FGGY: variants seen among roughly 807,000 people sequenced by gnomAD.
FGGY encodes the protein FGGY carbohydrate kinase domain-containing protein.
Under a neutral mutation model 71.3 loss-of-function variants are expected in FGGY, and 72 were observed. That is an observed-to-expected ratio of 1.01 (90% CI 0.84 to 1.23). The LOEUF is 1.23. Ranked by LOEUF, FGGY falls within the 50% of genes most tolerant of loss-of-function variation. FGGY has a pLI of 0.00. For synonymous variants in FGGY, 251 were observed against 250.3 expected, an observed-to-expected ratio of 1.00 and a Z score of -0.02; for missense variants, 668 against 682.3, an observed-to-expected ratio of 0.98 and a Z score of 0.23.
At chr1:59,321,098 G>A (rs1022978099) in intron 1 of FGGY, among the ~76,000 whole-genome samples, 2 of 152,198 alleles carry the variant, frequency 1.3e-5, no homozygotes, top group African/African-American at 4.8e-5. Context: ...GAGGTACTTA[G>A]TAGGTAATTG....
chr1:59,634,869 A>C (rs2096941695), intron 10 of FGGY, among the ~76,000 whole-genome samples: 1 of 152,188 alleles, frequency 6.6e-6, no homozygotes, highest in Non-Finnish European at 1.5e-5. Flanking sequence ...GGGTTTGCCT[A>C]CCTGATCATC....
chr1:59,426,537 G>A (rs2066398147), intron 5 of FGGY, among the ~76,000 whole-genome samples: 1 of 152,208 alleles, frequency 6.6e-6, no homozygotes, highest in South Asian at 2.1e-4. Flanking sequence ...TTCAAAAAGT[G>A]ATAGTGTATT....
chr1:59,386,243 C>T (rs749230399), intron 5 of FGGY, among the ~76,000 whole-genome samples: 34 of 152,100 alleles, frequency 2.2e-4, no homozygotes, highest in South Asian at 4.1e-4. Flanking sequence ...CACGCCTTCT[C>T]AGGCTCTTCT....
intron 14 of FGGY, among the ~76,000 whole-genome samples, chr1:59,684,652 G>T (rs1455589425): frequency 6.6e-6 from 1 of 152,180 alleles, no homozygotes; most frequent in African/African-American, 2.4e-5. Flanking sequence ...GTGGGGTGAG[G>T]AGTAGAAAGA....
chr1:59,644,584 T>A (rs2153903620), intron 11 of FGGY, among the ~76,000 whole-genome samples: 1 of 152,198 alleles, frequency 6.6e-6, no homozygotes, highest in East Asian at 1.9e-4. Context: ...TAAGCGCTGA[T>A]GATTTTAGGT....
chr1:59,708,693 A>T lies in FGGY; in HGVS notation c.1512+34560A>T, dbSNP rs147634129. Among the ~76,000 whole-genome samples, 1,074 of 152,340 alleles carry T rather than the reference A, an allele frequency of 7.1e-3. 14 individuals are homozygous for T. Among genetic ancestry groups the T allele is most frequent in the African/African-American group, 0.024 (1,011 of 41,572 alleles). On this transcript the variant is annotated intron_variant, in intron 14 of 15. Transcript: ENST00000303721. ...GTAATTCACGTTCTCAAAGCCATGGAATCAGAAAGGGAGAGAGTTGGGACC... is the reference window on the plus strand; with the variant it reads ...GTAATTCACGTTCTCAAAGCCATGGTATCAGAAAGGGAGAGAGTTGGGACC...
At chr1:59,367,258 A>T (rs972729996) in intron 4 of FGGY, among the ~76,000 whole-genome samples, 2 of 152,194 alleles carry the variant, frequency 1.3e-5, no homozygotes, top group Non-Finnish European at 2.9e-5. Context: ...ATTCATTCTG[A>T]GAAGTTTCTG....
chr1:59,603,154 ACCTTT>A (rs2096593823), intron 8 of FGGY, among the ~76,000 whole-genome samples: 1 of 152,136 alleles, frequency 6.6e-6, no homozygotes, highest in East Asian at 1.9e-4. Flanking sequence ...TATTGCCAAT[ACCTTT>A]TAAGTGTAAG....
chr1:59,538,512 A>C (rs1238404410), intron 7 of FGGY, among the ~76,000 whole-genome samples: 2 of 149,740 alleles, frequency 1.3e-5, no homozygotes, highest in Non-Finnish European at 2.9e-5. Flanking sequence ...CCAAAGGACT[A>C]TAAATCATGC....
intron 5 of FGGY, among the ~76,000 whole-genome samples, chr1:59,424,964 A>G (rs1235058756): frequency 1.3e-5 from 2 of 152,128 alleles, no homozygotes; most frequent in Non-Finnish European, 2.9e-5. Flanking sequence ...TATTGGAAAG[A>G]ATATGGGTTT....
At chr1:59,718,142 G>C (rs1449837590) in intron 14 of FGGY, among the ~76,000 whole-genome samples, 1 of 152,184 alleles carries the variant, frequency 6.6e-6, no homozygotes, top group African/African-American at 2.4e-5. Flanking sequence ...GTGGGTCCAA[G>C]ACCATAAGGG....
At chr1:59,538,235 A>G (rs1463050921) in intron 7 of FGGY, among the ~76,000 whole-genome samples, 2 of 152,208 alleles carry the variant, frequency 1.3e-5, no homozygotes, top group African/African-American at 2.4e-5. Context: ...CAAAACACAC[A>G]TGAAAAAATG....
At chr1:59,484,479 G>T (rs529138268) in intron 6 of FGGY, among the ~76,000 whole-genome samples, 1 of 152,228 alleles carries the variant, frequency 6.6e-6, no homozygotes, top group South Asian at 2.1e-4. Flanking sequence ...GCTTGCCAGG[G>T]TGTAAAAAGT....
chr1:59,732,211 A>G (rs1251705767), intron 14 of FGGY, among the ~76,000 whole-genome samples: 1 of 152,082 alleles, frequency 6.6e-6, no homozygotes, highest in Admixed American at 6.6e-5. Flanking sequence ...TTGACCAGAG[A>G]ATTTTACTTC....
chr1:59,345,988 A>T (rs11207438), intron 3 of FGGY, among the ~76,000 whole-genome samples: 29,043 of 152,146 alleles, frequency 0.19, 3,358 homozygotes, highest in East Asian at 0.35. Flanking sequence ...TAATATAATT[A>T]ATTGGTAGAT....
At chr1:59,344,052 G>T (rs144107165) in intron 3 of FGGY, among the ~76,000 whole-genome samples, 19 of 152,270 alleles carry the variant, frequency 1.2e-4, no homozygotes, top group Non-Finnish European at 1.8e-4. Context: ...TCAAGGCGAC[G>T]CTAATGTGCA....
At chr1:59,674,427 C>T (rs1391023788) in intron 14 of FGGY, among the ~76,000 whole-genome samples, 1 of 152,026 alleles carries the variant, frequency 6.6e-6, no homozygotes, top group Non-Finnish European at 1.5e-5. Flanking sequence ...TTTCTTTGAG[C>T]ACATGAAACA....
chr1:59,322,158 T>G (rs2046505172), intron 2 of FGGY, among the ~76,000 whole-genome samples: 1 of 152,266 alleles, frequency 6.6e-6, no homozygotes, highest in East Asian at 1.9e-4. Context: ...ATACTGTCAC[T>G]ACCCCTATTT....
At chr1:59,670,717 GAA>G (rs5774478) in intron 13 of FGGY, among the ~76,000 whole-genome samples, 8 of 151,022 alleles carry the variant, frequency 5.3e-5, no homozygotes, top group Non-Finnish European at 1.0e-4. Flanking sequence ...GCATTTGAGG[GAA>G]AAAAAAAAGC....
Sources: allele counts gnomAD v4.1 joint callset (sites outside exome capture counted in the v4.1 genomes callset), GRCh38; gene constraint gnomAD v4.1.1; transcripts MANE v1.5; gene names NCBI Gene and HGNC (gene_info 2026-07-23, HGNC 2026-07-21).